Variants in ABCA12 observed in about 807,000 individuals in gnomAD.
ABCA12 encodes the protein ATP binding cassette subfamily A member 12, also known as glucosylceramide transporter ABCA12.
In ABCA12, 156 loss-of-function variants were observed where a neutral mutation model predicts 293.5. The ratio of observed to expected loss-of-function variants is 0.53; its 90% CI spans 0.47 to 0.61. ABCA12 has a LOEUF of 0.61. Ranked by LOEUF, ABCA12 falls within the 20% of genes least tolerant of loss-of-function variation. ABCA12 has a pLI of 0.00. For synonymous variants in ABCA12, 1,063 were observed against 1,108.0 expected, an observed-to-expected ratio of 0.96 and a Z score of 0.81; for missense variants, 2,797 against 3,090.2, an observed-to-expected ratio of 0.91 and a Z score of 2.25.
At chr2:215,125,114 A>AGTATTTGGGCTTATTTCTGGG (rs144263877) in intron 1 of ABCA12, among the ~76,000 whole-genome samples, 7,159 of 151,948 alleles carry the variant, frequency 0.047, 558 homozygotes, top group African/African-American at 0.16. Context: ...GTTGGCTGTA[A>AGTATTTGGGCTTATTTCTGGG]GTATTTGGGC....
chr2:215,081,703 AT>A (rs1372996622), intron 2 of ABCA12, among the ~76,000 whole-genome samples: 2 of 152,162 alleles, frequency 1.3e-5, no homozygotes, highest in Non-Finnish European at 2.9e-5. Flanking sequence ...GAAATTATAC[AT>A]TTAAAAGTAT....
chr2:214,943,603 A>G lies in ABCA12; in HGVS notation c.7344-586T>C, dbSNP rs1057029880. On this transcript the variant is annotated intron_variant, in intron 49 of 52. Transcript: ENST00000272895. ...TCACCTGGAATACCCGCTCCATCAAACCTAGTATTTCTTTCAATCTTTGAT... is the reference window on the plus strand; with the variant it reads ...TCACCTGGAATACCCGCTCCATCAAGCCTAGTATTTCTTTCAATCTTTGAT... 2.0e-5 allele frequency among the ~76,000 whole-genome samples: 3 copies of G among 152,214 alleles called. No homozygotes were observed. The East Asian group carries it at 5.8e-4, about 29-fold the overall frequency.
intron 1 of ABCA12, among the ~76,000 whole-genome samples, chr2:215,113,632 T>C (rs1702622948): frequency 6.6e-6 from 1 of 152,200 alleles, no homozygotes; most frequent in African/African-American, 2.4e-5. Context: ...CCTGGAATAT[T>C]TTTGTTGGAA....
Position 215,025,702 on chromosome 2 carries a change from G to A in ABCA12, c.1258C>T (p.Pro420Ser), listed in dbSNP as rs1297612225. 6.2e-7 allele frequency: 1 copy of A among 1,611,042 alleles called. No homozygotes were observed. Among genetic ancestry groups the A allele is most frequent in the Non-Finnish European group, 8.5e-7 (1 of 1,178,858 alleles). ...GATTTTAGGACTTCAGGAACTGGAG[G>A]AAAGTAATCTTCATAGGAACCATTG... The part of the protein sequence containing the change: ...LRNGSYEDYF[P>S]PVPEVLKSKL... Residue 420 changes from proline to serine, a missense_variant, in exon 11 of 53, where the codon CCT (proline) becomes TCT (serine). Pro to Ser is a moderately conservative substitution (Grantham distance 74, BLOSUM62 -1). This residue lies in a region of ABCA12 where 656 missense variants were observed against 638.2 expected (regional missense o/e 1.03). Coordinates refer to ENST00000272895, the MANE Select transcript of ABCA12 (RefSeq NM_173076.3).
chr2:215,077,623 T>TA (rs1419480114), intron 2 of ABCA12, among the ~76,000 whole-genome samples: 1 of 152,210 alleles, frequency 6.6e-6, no homozygotes, highest in Non-Finnish European at 1.5e-5. Flanking sequence ...TTTACTCCAT[T>TA]ACCGAGCTAA....
At chr2:215,030,743 G>A (rs778349966) in intron 9 of ABCA12, among the ~76,000 whole-genome samples, 13 of 152,194 alleles carry the variant, frequency 8.5e-5, no homozygotes, top group Non-Finnish European at 1.2e-4. Context: ...AGAAAGAGGA[G>A]GTAGTTGTTT....
Position 215,126,643 on chromosome 2 carries a change from A to G in ABCA12, c.69+11497T>C, listed in dbSNP as rs183766761. Among the ~76,000 whole-genome samples the G allele has an allele frequency of 3.8e-3, 583 of 152,038 alleles. 8 individuals carry two copies. Among genetic ancestry groups the G allele is most frequent in the Non-Finnish European group, 3.7e-3 (249 of 67,914 alleles). ...TTTGTATTTCAATGGTGTCAGTTGTATTATCTCTTGTTTTGTTTCTTAGTG... is the reference window on the plus strand; with the variant it reads ...TTTGTATTTCAATGGTGTCAGTTGTGTTATCTCTTGTTTTGTTTCTTAGTG... On this transcript the variant is annotated intron_variant, in intron 1 of 52. Coordinates refer to ENST00000272895, the MANE Select transcript of ABCA12 (RefSeq NM_173076.3).
chr2:215,068,700 T>A (rs1317152707), intron 2 of ABCA12, among the ~76,000 whole-genome samples: 1 of 152,126 alleles, frequency 6.6e-6, no homozygotes, highest in Non-Finnish European at 1.5e-5. Context: ...AATTTCCAAT[T>A]CTTCTTTTCC....
Position 214,991,172 on chromosome 2 carries a change from T to A in ABCA12, c.3295-141A>T, listed in dbSNP as rs1412003832. The A allele has an allele frequency of 2.4e-5, 19 of 797,606 alleles. No homozygotes were observed. The East Asian group carries it at 2.7e-4, about 11-fold the overall frequency. The allele number at this position is 797,606 out of a possible 1,614,324, so 49.4% of individuals were successfully genotyped here. On this transcript the variant is annotated intron_variant, in intron 23 of 52. Transcript: ENST00000272895. ...TTTAATAATTTACATAAATCAAGAA[T>A]TTATCCATGCTTGCTATGTGAAATA...
intron 15 of ABCA12, among the ~76,000 whole-genome samples, chr2:215,012,498 A>C (rs1559145719): frequency 6.6e-6 from 1 of 152,332 alleles, no homozygotes; most frequent in African/African-American, 2.4e-5. Flanking sequence ...AAACAAAAAA[A>C]ATTATATTAA....
intron 51 of ABCA12, among the ~76,000 whole-genome samples, chr2:214,936,307 T>C (rs1011040260): frequency 6.6e-6 from 1 of 152,158 alleles, no homozygotes; most frequent in Admixed American, 6.6e-5. Flanking sequence ...GTACTATCTA[T>C]AGTTTCAGGC....
At chr2:215,058,931 C>T (rs1439327042) in intron 3 of ABCA12, among the ~76,000 whole-genome samples, 2 of 151,898 alleles carry the variant, frequency 1.3e-5, no homozygotes, top group South Asian at 2.1e-4. Flanking sequence ...TTATATATAT[C>T]GTCTTAATGG....
chr2:214,989,606 T>C lies in ABCA12; in HGVS notation c.3640A>G (p.Thr1214Ala), dbSNP rs1699870292. ...TATTGGCTTGCATAGCTGAATGCTGTTGGGGACAGCAGGCTCTGTGAAGAA... is the reference window on the plus strand; with the variant it reads ...TATTGGCTTGCATAGCTGAATGCTGCTGGGGACAGCAGGCTCTGTGAAGAA... Reference protein sequence around the residue: ...LKVFMSLLSPTAFSYASQYIA... With the variant: ...LKVFMSLLSPAAFSYASQYIA... Residue 1214 changes from threonine to alanine, a missense_variant, in exon 25 of 53, where the codon ACA becomes GCA. Physicochemically the swap from Thr to Ala is moderately conservative, Grantham distance 58. Around this residue, in one of 3 missense-constraint regions of ABCA12, gnomAD observed 2,130 missense variants for 2,427.0 expected, o/e 0.88. Coordinates refer to ENST00000272895, the MANE Select transcript of ABCA12 (RefSeq NM_173076.3). 3 of 1,613,994 alleles carry C rather than the reference T, an allele frequency of 1.9e-6. No individual in the cohort carries two copies. Among genetic ancestry groups the C allele is most frequent in the Non-Finnish European group, 2.5e-6 (3 of 1,179,936 alleles).
intron 23 of ABCA12, among the ~76,000 whole-genome samples, chr2:214,993,666 C>T (rs2105980358): frequency 6.6e-6 from 1 of 152,188 alleles, no homozygotes; most frequent in Admixed American, 6.5e-5. Flanking sequence ...ATATTTCGTC[C>T]CAGTGGTAAT....
intron 28 of ABCA12, among the ~76,000 whole-genome samples, chr2:214,985,672 G>C (rs1372760128): frequency 6.6e-6 from 1 of 151,990 alleles, no homozygotes; most frequent in African/African-American, 2.4e-5. Flanking sequence ...TCATGACCTC[G>C]TTTGTCCCCT....
intron 42 of ABCA12, 33 bp from the exon 43 acceptor site, chr2:214,955,394 C>T (rs527960405): frequency 3.4e-5 from 54 of 1,611,284 alleles, no homozygotes; most frequent in African/African-American, 2.7e-4. Flanking sequence ...ATTAAAATTA[C>T]GCCTCGGCCA....
intron 34 of ABCA12, 34 bp downstream of exon 34, chr2:214,975,751 G>A: frequency 6.2e-7 from 1 of 1,613,708 alleles, no homozygotes; most frequent in African/African-American, 1.3e-5. Context: ...AAGCATTTTG[G>A]AAACATTCTT....
intron 6 of ABCA12, among the ~76,000 whole-genome samples, 187 bp downstream of exon 6, chr2:215,049,439 C>A (rs919303486): frequency 6.6e-6 from 1 of 152,094 alleles, no homozygotes; most frequent in Non-Finnish European, 1.5e-5. Context: ...GCATTGAAAT[C>A]GTTTCAACCT....
chr2:215,106,708 C>G (rs1264846151), intron 2 of ABCA12, among the ~76,000 whole-genome samples: 3 of 145,822 alleles, frequency 2.1e-5, no homozygotes, highest in Non-Finnish European at 4.5e-5. Flanking sequence ...CCTGTTATTA[C>G]TTGTATGCAT....
Sources: allele counts gnomAD v4.1 joint callset (sites outside exome capture counted in the v4.1 genomes callset), GRCh38; gene constraint gnomAD v4.1.1; regional missense constraint gnomAD v4.1.1; transcripts MANE v1.5; gene names NCBI Gene and HGNC (gene_info 2026-07-23, HGNC 2026-07-21).